KDM5C: variants seen among roughly 807,000 people sequenced by gnomAD.
The protein encoded by KDM5C is lysine-specific demethylase 5C.
In KDM5C, 16 loss-of-function variants were observed where a neutral mutation model predicts 110.6. The observed-to-expected ratio is 0.14, with a 90% CI of 0.10 to 0.22. KDM5C has a LOEUF of 0.22. Ranked by LOEUF, KDM5C falls within the 10% of genes least tolerant of loss-of-function variation. KDM5C has a pLI of 1.00. For missense variants in KDM5C, 681 were observed against 1,300.9 expected, an observed-to-expected ratio of 0.52 and a Z score of 7.33; for synonymous variants, 511 against 520.4, an observed-to-expected ratio of 0.98 and a Z score of 0.24.
intron 2 of KDM5C, among the ~76,000 whole-genome samples, chrX:53,219,804 CCTT>C (rs1463472091): frequency 1.8e-5 from 2 of 112,518 alleles, no homozygotes; most frequent in Admixed American, 9.4e-5. Context: ...CATCCCTGCT[CCTT>C]CTTATTAGTC....
downstream of KDM5C, among the ~76,000 whole-genome samples, chrX:53,189,745 G>A (rs73208479): frequency 3.2e-3 from 359 of 112,741 alleles, 2 homozygotes; most frequent in Non-Finnish European, 4.5e-3. Flanking sequence ...GCTAGATTGC[G>A]GGCCCTTGGC....
In KDM5C at chrX:53,217,124, G is replaced by A. The variant is rs782374574; in HGVS notation, c.657+19C>T. On this transcript the variant is annotated intron_variant, in intron 5 of 25. Transcript: ENST00000375401. ...CCCTCCACCTCAAAGCTCTAAGTTC[G>A]AAGAAGGGGAGTACTCACATCAGGC... 96 of 1,199,366 alleles carry A rather than the reference G, an allele frequency of 8.0e-5. No homozygotes were observed. The highest frequency in any genetic ancestry group is 5.1e-4 in the Middle Eastern group (2 of 3,906).
chrX:53,204,156 G>A lies in KDM5C; in HGVS notation c.1747-2183C>T, dbSNP rs146527585. Reference sequence around the variant, plus strand: ...AAGCTTGTCAACTGTGAGCTTCACTGTAGGGTGATCTAGCTAAGCCATTTA... The same window carrying A: ...AAGCTTGTCAACTGTGAGCTTCACTATAGGGTGATCTAGCTAAGCCATTTA... On this transcript the variant is annotated intron_variant, in intron 12 of 25. Coordinates refer to ENST00000375401, the MANE Select transcript of KDM5C (RefSeq NM_004187.5). Among the ~76,000 whole-genome samples the A allele has an allele frequency of 2.7e-5, 3 of 110,103 alleles. No individual in the cohort carries two copies. In the East Asian group the frequency reaches 8.6e-4, roughly 32 times the overall value.
chrX:53,193,719 G>A (rs1410805108), intron 24 of KDM5C, 54 bp downstream of exon 24: 20 of 1,172,097 alleles, frequency 1.7e-5, no homozygotes, highest in Admixed American at 2.2e-5. Flanking sequence ...GGACTACATG[G>A]GTCACTATGG....
At chrX:53,212,306 CTTTTT>C (rs1188707416) in intron 8 of KDM5C, 24 of 134,416 alleles carry the variant, frequency 1.8e-4, no homozygotes, top group East Asian at 6.3e-4. Context: ...AAATGTGATT[CTTTTT>C]TTTTTTTTTT....
chrX:53,184,583 C>T (rs1934166248), intron 25 of KDM5C, among the ~76,000 whole-genome samples: 2 of 111,671 alleles, frequency 1.8e-5, no homozygotes, highest in South Asian at 7.4e-4. Flanking sequence ...TCATGTGTTT[C>T]TTTTCCTTTG....
intron 25 of KDM5C, among the ~76,000 whole-genome samples, chrX:53,180,981 G>T (rs1039894547): frequency 1.2e-4 from 13 of 107,895 alleles, no homozygotes; most frequent in Non-Finnish European, 2.1e-4. Flanking sequence ...GCCCGCCTCG[G>T]AAATTTTTGT....
Position 53,217,123 on chromosome X carries a change from C to T in KDM5C, c.657+20G>A, listed in dbSNP as rs1054862246. On this transcript the variant is annotated intron_variant, in intron 5 of 25. Transcript: ENST00000375401. ...TCCCTCCACCTCAAAGCTCTAAGTTCGAAGAAGGGGAGTACTCACATCAGG... is the reference window on the plus strand; with the variant it reads ...TCCCTCCACCTCAAAGCTCTAAGTTTGAAGAAGGGGAGTACTCACATCAGG... 2.5e-6 allele frequency: 3 copies of T among 1,199,989 alleles called. No individual in the cohort carries two copies. The highest frequency in any genetic ancestry group is 3.0e-5 in the East Asian group (1 of 33,465).
chrX:53,181,697 AAAG>A (rs1934058294), intron 25 of KDM5C, among the ~76,000 whole-genome samples: 2 of 108,508 alleles, frequency 1.8e-5, no homozygotes, highest in East Asian at 2.8e-4. Context: ...AAAAAAAAAA[AAAG>A]AAAAAGAAAA....
Position 53,194,310 on chromosome X carries a change from T to C in KDM5C, c.3867A>G (p.Gln1289=), listed in dbSNP as rs782368303. The C allele has an allele frequency of 1.6e-6, 2 of 1,212,231 alleles. No homozygotes were observed. Among genetic ancestry groups the C allele is most frequent in the Non-Finnish European group, 2.2e-6 (2 of 895,493 alleles). ...AGGCCAGAGCCTGCCTGGCGCGGCC[T>C]TGCCAGCTGATGGCCCTCTCTGTGA... ...QCLTERAISW[Q]GRARQALASE... Residue 1289 remains glutamine (Q), a synonymous_variant, in exon 23 of 26, where the codon CAA becomes CAG. Coordinates refer to ENST00000375401, the MANE Select transcript of KDM5C (RefSeq NM_004187.5).
chrX:53,197,137 C>T (rs1042170418), intron 18 of KDM5C, 93 bp from the exon 19 acceptor site: 1 of 664,503 alleles, frequency 1.5e-6, no homozygotes, highest in Non-Finnish European at 2.3e-6. Flanking sequence ...TATCTTCTTA[C>T]CCTCCAAGCT....
chrX:53,179,897 T>C (rs1933987687), intron 25 of KDM5C, among the ~76,000 whole-genome samples: 1 of 111,849 alleles, frequency 8.9e-6, no homozygotes, highest in Admixed American at 9.5e-5. Flanking sequence ...ACTAAACATA[T>C]TCTTACCTTA....
rs2073916806 is a variant in KDM5C at position 53,222,210 on chromosome X, G to A, written c.151-1294C>T. ...CACGTGGGCGGGGGGGAGAGACAGTGAAAGAGAAGAAAAACTGTTGACCTC... is the reference window on the plus strand; with the variant it reads ...CACGTGGGCGGGGGGGAGAGACAGTAAAAGAGAAGAAAAACTGTTGACCTC... On this transcript the variant is annotated intron_variant, in intron 1 of 25. Coordinates refer to ENST00000375401, the MANE Select transcript of KDM5C (RefSeq NM_004187.5). Among the ~76,000 whole-genome samples, 4 of 109,992 alleles carry A rather than the reference G, an allele frequency of 3.6e-5. No individual in the cohort carries two copies. In the South Asian group the frequency reaches 1.6e-3, roughly 44 times the overall value.
intron 25 of KDM5C, among the ~76,000 whole-genome samples, chrX:53,180,062 G>A (rs1175035795): frequency 3.7e-4 from 41 of 111,935 alleles, no homozygotes; most frequent in East Asian, 5.5e-4. Flanking sequence ...TAGATAAAAT[G>A]TGGTACATCC....
At position 53,218,287 on chromosome X, in the gene KDM5C, T is replaced by C; in HGVS notation, c.340A>G (p.Ser114Gly). The part of the protein sequence containing the change: ...NVERRILDLY[S>G]LSKIVVEEGG... ...AAACCTGTTCTTACTTTGCTGAGAC[T>C]GTAGAGGTCCAAGATCCGCCGTTCT... The change falls in exon 3 of 26, where the codon AGT becomes GGT. Residue 114 changes from serine (S) to glycine (G), a missense_variant. This residue lies in a region of KDM5C where 55 missense variants were observed against 118.0 expected (regional missense o/e 0.47). Transcript: ENST00000375401. 2 of 1,211,433 alleles carry C rather than the reference T, an allele frequency of 1.7e-6. No homozygotes were observed. The highest frequency in any genetic ancestry group is 2.2e-6 in the Non-Finnish European group (2 of 895,223).
intron 20 of KDM5C, among the ~76,000 whole-genome samples, 165 bp downstream of exon 20, chrX:53,195,749 CCT>C (rs1412702057): frequency 8.9e-6 from 1 of 111,924 alleles, no homozygotes; most frequent in Non-Finnish European, 1.9e-5. Context: ...TCACACTCTT[CCT>C]CTCACCCTGC....
At chrX:53,185,409 G>A (rs1193143459) in intron 25 of KDM5C, among the ~76,000 whole-genome samples, 1 of 112,464 alleles carries the variant, frequency 8.9e-6, no homozygotes, top group Non-Finnish European at 1.9e-5. Flanking sequence ...TTAGAAGAGG[G>A]AAACTCAATT....
chrX:53,216,341 G>T, intron 5 of KDM5C, 144 bp from the exon 6 acceptor site: 1 of 835,737 alleles, frequency 1.2e-6, no homozygotes, highest in Non-Finnish European at 1.7e-6. Context: ...ACTCAGAGTT[G>T]CTTTTTGGAG....
chrX:53,181,010 G>A (rs782788944), intron 25 of KDM5C, among the ~76,000 whole-genome samples: 29 of 109,291 alleles, frequency 2.7e-4, no homozygotes, highest in African/African-American at 9.0e-4. Flanking sequence ...TAGAGGAGGG[G>A]TTTCACCATG....
Sources: gnomAD v4.1 joint callset for allele counts (sites outside exome capture counted in the v4.1 genomes callset) on GRCh38, gnomAD v4.1.1 for gene constraint, gnomAD v4.1.1 regional missense constraint, MANE v1.5 for transcripts, NCBI Gene and HGNC (gene_info 2026-07-23, HGNC 2026-07-21) for gene names.